FGF14: variants seen among roughly 807,000 people sequenced by gnomAD.
FGF14 encodes fibroblast growth factor 14.
A neutral mutation model predicts 25.5 loss-of-function variants in FGF14; 5 were observed. The observed-to-expected ratio is 0.20, with a 90% CI of 0.10 to 0.41. The LOEUF (loss-of-function observed/expected upper bound fraction) is 0.41, where lower values mean the gene tolerates loss of function less well. Among genes scored for constraint, FGF14 ranks in the 10% least tolerant of loss-of-function variants. FGF14 has a pLI of 1.00. For missense variants in FGF14, 222 were observed against 320.1 expected, an observed-to-expected ratio of 0.69 and a Z score of 2.34; for synonymous variants, 138 against 118.3, an observed-to-expected ratio of 1.17 and a Z score of -1.08.
intron 1 of FGF14, among the ~76,000 whole-genome samples, chr13:102,238,695 G>A: frequency 6.6e-6 from 1 of 152,208 alleles, no homozygotes; most frequent in East Asian, 1.9e-4. Context: ...AGACAGCCAG[G>A]ATCATTGATT....
chr13:101,725,239 A>C (rs563189142), intron 4 of FGF14, among the ~76,000 whole-genome samples: 3 of 152,236 alleles, frequency 2.0e-5, no homozygotes, highest in Non-Finnish European at 2.9e-5. Context: ...CAATGTTATC[A>C]AAATTTATTT....
At chr13:102,198,359 C>T (rs145129472) in intron 1 of FGF14, among the ~76,000 whole-genome samples, 6 of 152,320 alleles carry the variant, frequency 3.9e-5, no homozygotes, top group Non-Finnish European at 7.4e-5. Context: ...AATGAATGCA[C>T]ACCAGTGCCA....
chr13:102,113,737 T>C (rs918407638), intron 1 of FGF14, among the ~76,000 whole-genome samples: 16 of 152,192 alleles, frequency 1.1e-4, no homozygotes, highest in Non-Finnish European at 2.4e-4. Flanking sequence ...CTTCCACCCC[T>C]TTACCCTCAG....
chr13:102,383,253 CAATT>C (rs1358456740), intron 1 of FGF14, among the ~76,000 whole-genome samples: 1 of 151,862 alleles, frequency 6.6e-6, no homozygotes, highest in Non-Finnish European at 1.5e-5. Flanking sequence ...ATTGTTATAT[CAATT>C]ATTTTAGATT....
At chr13:101,881,467 AATTT>A (rs1363162249) in intron 1 of FGF14, among the ~76,000 whole-genome samples, 2 of 152,198 alleles carry the variant, frequency 1.3e-5, no homozygotes, top group Non-Finnish European at 2.9e-5. Flanking sequence ...TTGGCCTACT[AATTT>A]ATTATTTTTA....
intron 1 of FGF14, among the ~76,000 whole-genome samples, chr13:102,258,036 A>G (rs994943946): frequency 2.0e-5 from 3 of 152,188 alleles, no homozygotes; most frequent in African/African-American, 7.2e-5. Flanking sequence ...CCTGACAATC[A>G]TGGTGGAAGG....
chr13:102,348,381 G>A (rs985305328), intron 1 of FGF14, among the ~76,000 whole-genome samples: 1 of 152,036 alleles, frequency 6.6e-6, no homozygotes, highest in African/African-American at 2.4e-5. Flanking sequence ...TTGAAGCAAA[G>A]AAAAAACAGA....
At chr13:102,108,400 ATAG>A (rs2045037355) in intron 1 of FGF14, among the ~76,000 whole-genome samples, 1 of 152,234 alleles carries the variant, frequency 6.6e-6, no homozygotes, top group Admixed American at 6.5e-5. Flanking sequence ...ACAGAATTAC[ATAG>A]TAGTAGATAT....
intron 3 of FGF14, among the ~76,000 whole-genome samples, chr13:101,820,999 G>C (rs900223619): frequency 4.1e-5 from 6 of 147,962 alleles, no homozygotes; most frequent in Admixed American, 1.4e-4. Flanking sequence ...CCAGGCTGGA[G>C]TGCAGTGGCA....
intron 1 of FGF14, among the ~76,000 whole-genome samples, chr13:102,118,915 C>G (rs985355442): frequency 1.3e-5 from 2 of 152,116 alleles, no homozygotes; most frequent in Admixed American, 1.3e-4. Flanking sequence ...ATGATTATGC[C>G]TTTACCTTTA....
At chr13:101,954,445 A>G (rs1308155567) in intron 1 of FGF14, among the ~76,000 whole-genome samples, 1 of 152,250 alleles carries the variant, frequency 6.6e-6, no homozygotes, top group Admixed American at 6.5e-5. Flanking sequence ...AAATTTTTGA[A>G]GAAACACGTA....
At chr13:102,326,602 C>A (rs1178810438) in intron 1 of FGF14, among the ~76,000 whole-genome samples, 3 of 125,284 alleles carry the variant, frequency 2.4e-5, no homozygotes, top group Non-Finnish European at 3.2e-5. Flanking sequence ...GAAAATAGCT[C>A]AAAAAGGAAG....
chr13:101,962,325 G>T (rs139726553), intron 1 of FGF14, among the ~76,000 whole-genome samples: 4 of 152,252 alleles, frequency 2.6e-5, no homozygotes, highest in African/African-American at 9.6e-5. Context: ...TAGCAATTGT[G>T]AATGGGAGTT....
intron 1 of FGF14, among the ~76,000 whole-genome samples, chr13:102,166,092 C>T (rs984629296): frequency 6.6e-6 from 1 of 150,954 alleles, no homozygotes; most frequent in African/African-American, 2.4e-5. Flanking sequence ...CCCTATTCTC[C>T]CCTCCCCAAG....
At chr13:102,117,369 C>G (rs2045521484) in intron 1 of FGF14, among the ~76,000 whole-genome samples, 1 of 152,282 alleles carries the variant, frequency 6.6e-6, no homozygotes, top group East Asian at 1.9e-4. Context: ...CCTGTCATAC[C>G]TGAAACACAA....
chr13:101,978,281 T>G (rs567891391), intron 1 of FGF14, among the ~76,000 whole-genome samples: 51 of 152,312 alleles, frequency 3.3e-4, no homozygotes, highest in Admixed American at 3.3e-4. Context: ...ATCTATAATA[T>G]GTGCAGAATG....
At chr13:102,006,186 G>C (rs1279136657) in intron 1 of FGF14, among the ~76,000 whole-genome samples, 1 of 152,156 alleles carries the variant, frequency 6.6e-6, no homozygotes, top group African/African-American at 2.4e-5. Context: ...AGAACCTGGG[G>C]AAATGTATAC....
chr13:102,305,956 T>C (rs1285906644), intron 1 of FGF14, among the ~76,000 whole-genome samples: 2 of 152,152 alleles, frequency 1.3e-5, no homozygotes, highest in African/African-American at 2.4e-5. Context: ...TGGGGAAGCA[T>C]TTAGGAGATA....
At chr13:102,056,403 C>T (rs768932411) in intron 1 of FGF14, among the ~76,000 whole-genome samples, 1 of 152,232 alleles carries the variant, frequency 6.6e-6, no homozygotes, top group African/African-American at 2.4e-5. Context: ...GTTCGTGCCA[C>T]TACCAACAGC....
Sources: gnomAD v4.1 joint callset for allele counts (sites outside exome capture counted in the v4.1 genomes callset) on GRCh38, gnomAD v4.1.1 for gene constraint, MANE v1.5 for transcripts, NCBI Gene and HGNC (gene_info 2026-07-23, HGNC 2026-07-21) for gene names.